Variants in PHLPP1 observed in about 807,000 individuals in gnomAD.
The protein encoded by PHLPP1 is PH domain and leucine rich repeat protein phosphatase 1.
Under a neutral mutation model 117.2 loss-of-function variants are expected in PHLPP1, and 42 were observed. That is an observed-to-expected ratio of 0.36 (90% CI 0.28 to 0.46). PHLPP1 has a LOEUF of 0.46. Ranked by LOEUF, PHLPP1 falls within the 20% of genes least tolerant of loss-of-function variation. The pLI is 1.00. For synonymous variants in PHLPP1, 1,042 were observed against 970.7 expected, an observed-to-expected ratio of 1.07 and a Z score of -1.37; for missense variants, 2,084 against 2,241.9, an observed-to-expected ratio of 0.93 and a Z score of 1.42.
At position 62,718,511 on chromosome 18, in the gene PHLPP1, G is replaced by C. The variant is rs115967410; in HGVS notation, c.1576+1252G>C. On this transcript the variant is annotated intron_variant, in intron 1 of 16. Coordinates refer to ENST00000262719, the MANE Select transcript of PHLPP1 (RefSeq NM_194449.4). ...GAGAGAGATGCCCTTTAAATTTCTT[G>C]GAAGTTTTTCTGAAATTTAAGTGGA... is the stretch of plus-strand genomic sequence containing the variant. 8.8e-3 allele frequency among the ~76,000 whole-genome samples: 1,341 copies of C among 152,268 alleles called. 24 individuals are homozygous for C. The highest frequency in any genetic ancestry group is 0.031 in the African/African-American group (1,281 of 41,552).
intron 1 of PHLPP1, among the ~76,000 whole-genome samples, chr18:62,772,736 G>C (rs1401191127): frequency 1.3e-5 from 2 of 149,424 alleles, no homozygotes; most frequent in Admixed American, 1.3e-4. Context: ...GGGGCTGAGG[G>C]ATGAGAATGG....
At chr18:62,846,619 G>A (rs543755855) in intron 3 of PHLPP1, among the ~76,000 whole-genome samples, 28 of 151,358 alleles carry the variant, frequency 1.8e-4, no homozygotes, top group Non-Finnish European at 3.5e-4. Context: ...TTTTCTTGTA[G>A]AAATATGACT....
At chr18:62,913,643 G>A (rs539491197) in intron 8 of PHLPP1, among the ~76,000 whole-genome samples, 2 of 151,510 alleles carry the variant, frequency 1.3e-5, no homozygotes, top group African/African-American at 4.8e-5. Context: ...AAGCTAACCA[G>A]TGTGACTAGG....
chr18:62,715,766 C>T lies in PHLPP1; in HGVS notation c.83C>T (p.Ala28Val). 4 of 971,222 alleles carry T rather than the reference C, an allele frequency of 4.1e-6. No individual in the cohort carries two copies. Among genetic ancestry groups the T allele is most frequent in the Non-Finnish European group, 5.0e-6 (4 of 792,684 alleles). 60.2% of individuals were successfully genotyped at this position (971,222 alleles called of 1,614,324 possible). The change falls in exon 1 of 17, where the codon GCT becomes GTT. Residue 28 changes from alanine (A) to valine (V), a missense_variant. By Grantham distance (64) the Ala-to-Val change is moderately conservative. Around this residue, in one of 2 missense-constraint regions of PHLPP1, gnomAD observed 719 missense variants for 636.0 expected, o/e 1.13. Coordinates refer to ENST00000262719, the MANE Select transcript of PHLPP1 (RefSeq NM_194449.4). The stretch of plus-strand genomic sequence containing the variant: ...CGAGCTTCGGCTCCGGCGGCCGCCG[C>T]TGCGGCAGCAGCAGCAGCAGCGGCG... ...EDRASAPAAA[A>V]AAAAAAAAAA...
chr18:62,724,930 A>G (rs1035398926), intron 1 of PHLPP1, among the ~76,000 whole-genome samples: 15 of 152,214 alleles, frequency 9.9e-5, no homozygotes, highest in Non-Finnish European at 1.6e-4. Flanking sequence ...TAGAAAATCA[A>G]TGTTCTTAGT....
intron 1 of PHLPP1, among the ~76,000 whole-genome samples, chr18:62,773,379 T>C (rs760241723): frequency 2.6e-5 from 4 of 152,098 alleles, no homozygotes; most frequent in Non-Finnish European, 4.4e-5. Context: ...TACTTCATGA[T>C]TTTTTTTGGA....
chr18:62,979,277 C>T lies in PHLPP1; in HGVS notation c.5000C>T (p.Pro1667Leu), dbSNP rs1359827235. ...GATCCTGATGATCAGTTTATCATACCCCCGGAGCTGGAAGAGGAGGTCAAA... is the reference window on the plus strand; with the variant it reads ...GATCCTGATGATCAGTTTATCATACTCCCGGAGCTGGAAGAGGAGGTCAAA... Reference protein sequence around the residue: ...QPDPDDQFIIPPELEEEVKEI... With the variant: ...QPDPDDQFIILPELEEEVKEI... The change falls in exon 17 of 17, where the codon CCC becomes CTC. Residue 1667 changes from proline (P) to leucine (L), a missense_variant. Physicochemically the swap from Pro to Leu is moderately conservative, Grantham distance 98. This residue lies in a region of PHLPP1 where 1,365 missense variants were observed against 1,605.9 expected (regional missense o/e 0.85). Coordinates refer to ENST00000262719, the MANE Select transcript of PHLPP1 (RefSeq NM_194449.4). 6.4e-7 allele frequency: 1 copy of T among 1,565,372 alleles called. No homozygotes were observed. The highest frequency in any genetic ancestry group is 1.9e-5 in the Admixed American group (1 of 52,240).
At chr18:62,934,518 T>G (rs971999061) in intron 10 of PHLPP1, among the ~76,000 whole-genome samples, 6 of 152,086 alleles carry the variant, frequency 3.9e-5, no homozygotes, top group Admixed American at 2.6e-4. Context: ...GGCTAAACAG[T>G]GTATACACAT....
At chr18:62,854,575 G>T (rs1393224809) in intron 3 of PHLPP1, among the ~76,000 whole-genome samples, 1 of 152,076 alleles carries the variant, frequency 6.6e-6, no homozygotes, top group Non-Finnish European at 1.5e-5. Context: ...TTTCTTTGCT[G>T]TAGTTATGTT....
In PHLPP1 at chr18:62,766,096, TATATATAA is replaced by T. The variant is rs1436994071; in HGVS notation, c.1576+48839_1576+48846del. Among the ~76,000 whole-genome samples, 22 of 81,498 alleles carry T rather than the reference TATATATAA, an allele frequency of 2.7e-4. 1 individual carries two copies. The highest frequency in any genetic ancestry group is 6.4e-4 in the African/African-American group (16 of 25,180). The allele number at this position is 81,498 out of a possible 152,430, so 53.5% of individuals were successfully genotyped here. A position where few individuals can be genotyped will look rare whatever the true frequency, so the allele number is the denominator to read the frequency against. ...AAAAAAATATATATATATATATATATATATATAAAATATATATATATTTGTACAGAAAA... is the reference window on the plus strand; with the variant it reads ...AAAAAAATATATATATATATATATATAATATATATATATTTGTACAGAAAA... On this transcript the variant is annotated intron_variant, in intron 1 of 16. Transcript: ENST00000262719.
In PHLPP1 at chr18:62,958,662, G is replaced by A. The variant is rs371205761; in HGVS notation, c.3358G>A (p.Val1120Ile). The A allele has an allele frequency of 5.0e-6, 8 of 1,613,842 alleles. No individual in the cohort carries two copies. The highest frequency in any genetic ancestry group is 6.8e-6 in the Non-Finnish European group (8 of 1,179,784). ...VDLSCNELSE[V>I]TLPENLPPKL... ...CCTGAGCTGTAATGAGCTAAGTGAA[G>A]TCACATTACCAGAAAACCTGCCTCC... Residue 1120 changes from valine (V) to isoleucine (I), a missense_variant, in exon 13 of 17, where the codon GTC (valine) becomes ATC (isoleucine). Transcript: ENST00000262719.
intron 1 of PHLPP1, among the ~76,000 whole-genome samples, chr18:62,781,084 C>G (rs2082729598): frequency 6.6e-6 from 1 of 152,208 alleles, no homozygotes; most frequent in African/African-American, 2.4e-5. Context: ...AGCTTTACCA[C>G]TTATTTGACT....
intron 1 of PHLPP1, among the ~76,000 whole-genome samples, chr18:62,747,769 C>G (rs540958923): frequency 4.3e-4 from 66 of 152,296 alleles, no homozygotes; most frequent in African/African-American, 1.5e-3. Context: ...ATCCTCTCGC[C>G]TTGGCCTTCC....
At chr18:62,792,868 C>CAAAAAA (rs71160870) in intron 1 of PHLPP1, among the ~76,000 whole-genome samples, 1 of 56,852 alleles carries the variant, frequency 1.8e-5, no homozygotes, top group African/African-American at 7.7e-5. Flanking sequence ...GCCTCTGTCT[C>CAAAAAA]AAAAAAAAAA....
chr18:62,935,809 G>A (rs939747201), intron 10 of PHLPP1, among the ~76,000 whole-genome samples: 2 of 152,132 alleles, frequency 1.3e-5, no homozygotes, highest in South Asian at 2.1e-4. Context: ...TTCGAGACCA[G>A]CCTGGCCAGT....
At chr18:62,867,394 C>G (rs1219348455) in intron 4 of PHLPP1, among the ~76,000 whole-genome samples, 1 of 152,208 alleles carries the variant, frequency 6.6e-6, no homozygotes, top group Non-Finnish European at 1.5e-5. Flanking sequence ...CCTATCCTCT[C>G]AATATATAGG....
rs907188385 is a variant in PHLPP1, at chr18:62,916,601, G to A, written c.2804+1593G>A. ...TTGCAGCCATCACCATTAACAAGAG[G>A]GTGGGTGTGTGTGTGTGTGTGTGTG... On this transcript the variant is annotated intron_variant, in intron 9 of 16. Transcript: ENST00000262719. Among the ~76,000 whole-genome samples the A allele has an allele frequency of 1.1e-4, 14 of 127,298 alleles. No homozygotes were observed. The South Asian group carries it at 3.5e-3, about 31-fold the overall frequency. The allele number at this position is 127,298 out of a possible 152,430, so 83.5% of individuals were successfully genotyped here.
chr18:62,931,572 A>G (rs1335932914), intron 10 of PHLPP1, among the ~76,000 whole-genome samples: 1 of 150,656 alleles, frequency 6.6e-6, no homozygotes, highest in East Asian at 2.0e-4. Flanking sequence ...AGGATAAACA[A>G]GATTGATAGA....
At chr18:62,819,279 T>C (rs1914378393) in intron 1 of PHLPP1, among the ~76,000 whole-genome samples, 1 of 152,242 alleles carries the variant, frequency 6.6e-6, no homozygotes, top group African/African-American at 2.4e-5. Context: ...TGTTGTAGTG[T>C]ACTACTTATG....
Sources: allele counts gnomAD v4.1 joint callset (sites outside exome capture counted in the v4.1 genomes callset), GRCh38; gene constraint gnomAD v4.1.1; regional missense constraint gnomAD v4.1.1; transcripts MANE v1.5; gene names NCBI Gene and HGNC (gene_info 2026-07-23, HGNC 2026-07-21).